The following NUP205 variants were observed in gnomAD, a reference collection of about 807,000 sequenced individuals.
NUP205 encodes nuclear pore complex protein Nup205.
NUP205 carries 76 observed loss-of-function variants against 253.8 expected under a neutral mutation model. The ratio of observed to expected loss-of-function variants is 0.30; its 90% confidence interval spans 0.25 to 0.36. The LOEUF (loss-of-function observed/expected upper bound fraction) is 0.36, where lower values mean the gene tolerates loss of function less well. NUP205 is among the 10% of genes least tolerant of loss of function. The pLI, the probability that NUP205 is intolerant of heterozygous loss-of-function variation, is 1.00. For missense variants in NUP205, 2,162 were observed against 2,425.5 expected, an observed-to-expected ratio of 0.89 and a Z score of 2.28; for synonymous variants, 832 against 850.1, an observed-to-expected ratio of 0.98 and a Z score of 0.37.
At chr7:135,580,570 A>G (rs1054784070) in intron 7 of NUP205, among the ~76,000 whole-genome samples, 4 of 151,968 alleles carry the variant, frequency 2.6e-5, no homozygotes, top group African/African-American at 9.7e-5. Context: ...GGTTCAAGCA[A>G]TTCTGCCTCA....
At chr7:135,570,708 TAA>T (rs1491089932) in intron 1 of NUP205, among the ~76,000 whole-genome samples, 1 of 111,326 alleles carries the variant, frequency 9.0e-6, no homozygotes, top group East Asian at 2.4e-4. Context: ...TTAATTATAT[TAA>T]TATAATTAAT....
chr7:135,628,436 T>C (rs974126590), intron 34 of NUP205, among the ~76,000 whole-genome samples: 4 of 152,100 alleles, frequency 2.6e-5, no homozygotes, highest in African/African-American at 9.7e-5. Context: ...CAGGTATCTA[T>C]TGAGAGAGGG....
chr7:135,574,702 G>A (rs970317349), intron 3 of NUP205, among the ~76,000 whole-genome samples: 1 of 152,198 alleles, frequency 6.6e-6, no homozygotes, highest in African/African-American at 2.4e-5. Context: ...GCAATAGAAA[G>A]TTGTTGATGA....
At chr7:135,558,213 A>C (rs905649260) in intron 1 of NUP205, 1 of 566,768 alleles carries the variant, frequency 1.8e-6, no homozygotes. Flanking sequence ...CGCTGGACCC[A>C]GGTGTGTAAT....
intron 3 of NUP205, among the ~76,000 whole-genome samples, chr7:135,574,734 C>T (rs913708945): frequency 3.6e-4 from 55 of 152,152 alleles, no homozygotes; most frequent in African/African-American, 1.3e-3. Context: ...AGAGACATTA[C>T]ATAATTCATT....
At chr7:135,591,705 G>A in intron 11 of NUP205, 105 bp downstream of exon 11, 1 of 966,630 alleles carries the variant, frequency 1.0e-6, no homozygotes, top group Non-Finnish European at 1.5e-6. Context: ...TTCTACCAGA[G>A]GTATAAATTA....
chr7:135,574,994 A>G (rs542198998), intron 3 of NUP205, among the ~76,000 whole-genome samples: 15 of 152,314 alleles, frequency 9.8e-5, no homozygotes, highest in Admixed American at 7.2e-4. Context: ...TTGAGTTTTG[A>G]GTTTAACTCG....
intron 35 of NUP205, among the ~76,000 whole-genome samples, chr7:135,630,789 TGG>T (rs1175901850): frequency 1.3e-5 from 2 of 151,952 alleles, no homozygotes; most frequent in African/African-American, 4.8e-5. Context: ...AGCTGGGTGT[TGG>T]GGCATTCACC....
intron 34 of NUP205, among the ~76,000 whole-genome samples, chr7:135,629,911 A>G (rs1022553296): frequency 6.6e-6 from 1 of 152,208 alleles, no homozygotes; most frequent in African/African-American, 2.4e-5. Flanking sequence ...CATGCTAGTT[A>G]CTGTTTCATA....
intron 3 of NUP205, among the ~76,000 whole-genome samples, chr7:135,575,626 C>T (rs76848023): frequency 0.034 from 5,174 of 152,212 alleles, 119 homozygotes; most frequent in Middle Eastern, 0.1. Context: ...GAAATGCCAT[C>T]GCTACTAAAA....
chr7:135,586,634 T>G (rs774173267), intron 8 of NUP205, among the ~76,000 whole-genome samples: 1 of 152,194 alleles, frequency 6.6e-6, no homozygotes, highest in Admixed American at 6.5e-5. Context: ...TCTTTTTTGT[T>G]CAGTTTAATA....
At chr7:135,645,399 C>A in intron 40 of NUP205, 69 bp from the exon 41 acceptor site, 1 of 1,512,812 alleles carries the variant, frequency 6.6e-7, no homozygotes, top group Non-Finnish European at 9.0e-7. Flanking sequence ...CTTTTTTCTT[C>A]TCCTCCGAAA....
rs1375037748 is a variant in NUP205 at position 135,618,434 on chromosome 7, A to G, written c.3794A>G (p.Tyr1265Cys). The change falls in exon 28 of 43, where the codon TAT becomes TGT. Residue 1265 changes from tyrosine (Y) to cysteine (C), a missense_variant. Coordinates refer to ENST00000285968, the MANE Select transcript of NUP205 (RefSeq NM_015135.3). Reference sequence around the variant, plus strand: ...TAGGAAATCAGCACTGTACTTCAGTATGTGGTAGGAAGAAATAAATTGCTG... The same window carrying G: ...TAGGAAATCAGCACTGTACTTCAGTGTGTGGTAGGAAGAAATAAATTGCTG... ...LMEEISTVLQ[Y>C]VVGRNKLLQC... is the part of the protein sequence containing the mutation. The G allele has an allele frequency of 6.2e-7, 1 of 1,613,984 alleles. No homozygotes were observed. The highest frequency in any genetic ancestry group is 8.5e-7 in the Non-Finnish European group (1 of 1,180,010).
rs146634381 is a variant in NUP205, at chr7:135,563,332, C to T, written c.28+5360C>T. On this transcript the variant is annotated intron_variant, in intron 1 of 42. Transcript: ENST00000285968. ...CCTCCCTAGCAGCTGGGACTACAGG[C>T]GCATGCCATCACGCCTGGCTAATTT... is the stretch of plus-strand genomic sequence containing the variant. Among the ~76,000 whole-genome samples, 1,156 of 151,544 alleles carry T rather than the reference C, an allele frequency of 7.6e-3. 22 individuals are homozygous for T. Among genetic ancestry groups the T allele is most frequent in the East Asian group, 0.042 (216 of 5,158 alleles).
intron 34 of NUP205, among the ~76,000 whole-genome samples, chr7:135,629,475 C>A (rs1563135958): frequency 7.2e-5 from 2 of 27,814 alleles, no homozygotes; most frequent in South Asian, 3.4e-3. Context: ...CCCTATCTCT[C>A]TCTCTCTCTC....
At chr7:135,570,788 T>TAATATATATTAATTATATTTA in intron 1 of NUP205, among the ~76,000 whole-genome samples, 1 of 48,962 alleles carries the variant, frequency 2.0e-5, no homozygotes, top group South Asian at 5.8e-4. Context: ...TTAATTATAT[T>TAATATATATTAATTATATTTA]TATATATTAT....
At chr7:135,567,136 A>G (rs1266926297) in intron 1 of NUP205, among the ~76,000 whole-genome samples, 30 of 25,402 alleles carry the variant, frequency 1.2e-3, no homozygotes, top group African/African-American at 3.1e-3. Flanking sequence ...GTGTATATAT[A>G]TATATATATA....
At position 135,593,254 on chromosome 7, in the gene NUP205, C is replaced by T; in HGVS notation, c.1830+62C>T. On this transcript the variant is annotated intron_variant, in intron 12 of 42. Coordinates refer to ENST00000285968, the MANE Select transcript of NUP205 (RefSeq NM_015135.3). ...TATAGCACAGTAGCATTTTAAGAGC[C>T]CCAAACATTTTCTTTTAATTTAAGA... The T allele has an allele frequency of 6.5e-6, 9 of 1,381,322 alleles. No homozygotes were observed. The Admixed American group carries it at 9.0e-5, about 14-fold the overall frequency. 85.6% of individuals were successfully genotyped at this position (1,381,322 alleles called of 1,614,324 possible).
At chr7:135,640,836 G>A (rs763725783) in intron 38 of NUP205, among the ~76,000 whole-genome samples, 8 of 152,234 alleles carry the variant, frequency 5.3e-5, no homozygotes, top group African/African-American at 1.9e-4. Flanking sequence ...AGTTAAATTA[G>A]ACTGGACATG....
Sources: gnomAD v4.1 joint callset for allele counts (sites outside exome capture counted in the v4.1 genomes callset) on GRCh38, gnomAD v4.1.1 for gene constraint, MANE v1.5 for transcripts, NCBI Gene and HGNC (gene_info 2026-07-23, HGNC 2026-07-21) for gene names.